The following BCAS3 variants were observed in gnomAD, a reference collection of about 807,000 sequenced individuals.
BCAS3 encodes the protein BCAS4/BCAS3 fusion.
In BCAS3, 53 loss-of-function variants were observed where a neutral mutation model predicts 116.1. That is an observed-to-expected ratio of 0.46 (90% confidence interval 0.37 to 0.57). The LOEUF (loss-of-function observed/expected upper bound fraction) is 0.57, where lower values mean the gene tolerates loss of function less well. Ranked by LOEUF, BCAS3 falls within the 20% of genes least tolerant of loss-of-function variation. The pLI is 0.00. For synonymous variants in BCAS3, 391 were observed against 408.2 expected (o/e 0.96, Z 0.51); for missense variants, 917 against 1,165.4 (o/e 0.79, Z 3.10).
At chr17:61,273,440 G>A (rs1371798816) in intron 22 of BCAS3, among the ~76,000 whole-genome samples, 2 of 152,104 alleles carry the variant, frequency 1.3e-5, no homozygotes, top group Non-Finnish European at 2.9e-5. Flanking sequence ...GAAGTTAGCA[G>A]TTATTCTTTG....
In BCAS3 at chr17:61,084,307, G is replaced by T. The variant is rs2143536874; in HGVS notation, c.2328-160G>T. Among the ~76,000 whole-genome samples, 1 of 152,296 alleles carries T rather than the reference G, an allele frequency of 6.6e-6. No individual in the cohort carries two copies. On this transcript the variant is annotated intron_variant, in intron 21 of 23. Transcript: ENST00000407086. The surrounding 1 kb of genome is among the most constrained non-coding windows in gnomAD (Gnocchi z 5.5). ...AATATTTGTAGTGTTTTATCCTTGT[G>T]CAGCAATTAGGGACTGCAGCTCCCC...
intron 6 of BCAS3, among the ~76,000 whole-genome samples, chr17:60,780,068 C>A (rs1273660796): frequency 6.6e-6 from 1 of 151,510 alleles, no homozygotes; most frequent in Non-Finnish European, 1.5e-5. Context: ...CGGCTCACTG[C>A]AAGCTCCGCC....
chr17:60,701,559 C>T (rs902976657), intron 4 of BCAS3, among the ~76,000 whole-genome samples: 1 of 152,012 alleles, frequency 6.6e-6, no homozygotes, highest in Non-Finnish European at 1.5e-5. Context: ...ACAAAACTTG[C>T]AGATGAACCA....
Position 61,140,646 on chromosome 17 carries a change from A to G in BCAS3, c.2425+56082A>G, listed in dbSNP as rs907612007. Reference sequence around the variant, plus strand: ...TTGGCCATCTTAGTATGGCCTTTATATAACTTTGGAATGCAAAAGAAAAGA... The same window carrying G: ...TTGGCCATCTTAGTATGGCCTTTATGTAACTTTGGAATGCAAAAGAAAAGA... On this transcript the variant is annotated intron_variant, in intron 22 of 23. Coordinates refer to ENST00000407086, the MANE Select transcript of BCAS3 (RefSeq NM_017679.5). This position sits in a 1 kb window ranked among gnomAD's most constrained non-coding sequence, Gnocchi z 4.2. 2.6e-5 allele frequency among the ~76,000 whole-genome samples: 4 copies of G among 151,908 alleles called. 1 individual carries two copies. The highest frequency in any genetic ancestry group is 1.3e-4 in the Admixed American group (2 of 15,232).
At chr17:61,179,121 T>G (rs1368632799) in intron 22 of BCAS3, among the ~76,000 whole-genome samples, 1 of 152,132 alleles carries the variant, frequency 6.6e-6, no homozygotes, top group Non-Finnish European at 1.5e-5. Context: ...TTAGAAAACT[T>G]ACACCCAGGT....
Position 61,128,327 on chromosome 17 carries a change from C to T in BCAS3, c.2425+43763C>T. 1.0e-6 allele frequency: 1 copy of T among 985,412 alleles called. No homozygotes were observed. Among genetic ancestry groups the T allele is most frequent in the Non-Finnish European group, 1.2e-6 (1 of 829,920 alleles). 61.0% of individuals were successfully genotyped at this position (985,412 alleles called of 1,614,324 possible). A position where few individuals can be genotyped will look rare whatever the true frequency, so the allele number is the denominator to read the frequency against. On this transcript the variant is annotated intron_variant, in intron 22 of 23. Coordinates refer to ENST00000407086, the MANE Select transcript of BCAS3 (RefSeq NM_017679.5). The surrounding 1 kb of genome is among the most constrained non-coding windows in gnomAD (Gnocchi z 4.1). ...CAGAGGAGAGACTTAGTGAAATATG[C>T]AGAGCTCCATTCCAGTTCCTTTCTT...
intron 19 of BCAS3, among the ~76,000 whole-genome samples, chr17:61,044,407 A>G (rs1291556509): frequency 1.4e-5 from 2 of 146,494 alleles, no homozygotes; most frequent in African/African-American, 5.2e-5. Context: ...AGATTGCACC[A>G]CTGCACTCCA....
At chr17:61,075,376 A>G (rs995830238) in intron 20 of BCAS3, among the ~76,000 whole-genome samples, 27 of 152,168 alleles carry the variant, frequency 1.8e-4, no homozygotes, top group African/African-American at 6.0e-4. Flanking sequence ...GTGCAGTGAC[A>G]CGACCTTGGC....
At chr17:61,360,746 A>G (rs73993472) in intron 22 of BCAS3, among the ~76,000 whole-genome samples, 72 of 152,382 alleles carry the variant, frequency 4.7e-4, no homozygotes, top group African/African-American at 1.6e-3. Flanking sequence ...ATTTCCAAAT[A>G]AGGCCACATT....
chr17:61,183,350 G>T (rs1371879130), intron 22 of BCAS3, among the ~76,000 whole-genome samples: 10 of 151,916 alleles, frequency 6.6e-5, no homozygotes, highest in South Asian at 4.1e-4. Flanking sequence ...ACTCCATGTT[G>T]TCTCAAATTA....
chr17:60,908,146 A>G (rs968540558), intron 11 of BCAS3, among the ~76,000 whole-genome samples: 16 of 152,076 alleles, frequency 1.1e-4, no homozygotes, highest in African/African-American at 3.6e-4. Flanking sequence ...CAACTCCATC[A>G]ATAGTCATGT....
rs530699016 is a variant in BCAS3, at chr17:61,235,720, A to C, written c.2426-132607A>C. 1.1e-4 allele frequency among the ~76,000 whole-genome samples: 16 copies of C among 151,868 alleles called. No homozygotes were observed. In the South Asian group the frequency reaches 3.1e-3, roughly 30 times the overall value. ...TTGTTTAAAAAAAAAAAAAAGGAGA[A>C]GAAGGAGAAAGAAAGACAAGGGAAA... On this transcript the variant is annotated intron_variant, in intron 22 of 23. Coordinates refer to ENST00000407086, the MANE Select transcript of BCAS3 (RefSeq NM_017679.5). The surrounding 1 kb of genome is among the most constrained non-coding windows in gnomAD (Gnocchi z 5.0).
rs367977245 is a variant in BCAS3 at position 61,391,950 on chromosome 17, G to T, written c.2594-27G>T. The T allele has an allele frequency of 3.1e-6, 5 of 1,610,500 alleles. No individual in the cohort carries two copies. The highest frequency in any genetic ancestry group is 4.2e-6 in the Non-Finnish European group (5 of 1,178,754). ...CACTCCCCAGACCCAACTCTAACCA[G>T]GCCTGGCCCTCTCCTGTGTCTTGCA... On this transcript the variant is annotated intron_variant, in intron 23 of 23. Transcript: ENST00000407086. The surrounding 1 kb of genome is among the most constrained non-coding windows in gnomAD (Gnocchi z 7.7).
intron 8 of BCAS3, among the ~76,000 whole-genome samples, chr17:60,871,338 T>A (rs2055081450): frequency 6.6e-6 from 1 of 152,100 alleles, no homozygotes; most frequent in South Asian, 2.1e-4. Flanking sequence ...TAATTTTTTT[T>A]AACATTTTTT....
At chr17:60,785,505 G>A (rs1474031856) in intron 6 of BCAS3, among the ~76,000 whole-genome samples, 2 of 152,098 alleles carry the variant, frequency 1.3e-5, no homozygotes, top group Admixed American at 6.5e-5. Flanking sequence ...AGAAGTACTC[G>A]TACATTACCA....
intron 22 of BCAS3, among the ~76,000 whole-genome samples, chr17:61,116,826 C>A (rs2075492167): frequency 6.6e-6 from 1 of 152,162 alleles, no homozygotes; most frequent in African/African-American, 2.4e-5. Context: ...TTCTTTGAGC[C>A]TCCGTGTTTT....
At position 61,388,367 on chromosome 17, in the gene BCAS3, C is replaced by A. The variant is rs747886823; in HGVS notation, c.2594-3610C>A. On this transcript the variant is annotated intron_variant, in intron 23 of 23. Transcript: ENST00000407086. The surrounding 1 kb of genome is among the most constrained non-coding windows in gnomAD (Gnocchi z 6.5). ...ATGTTGAACCTGTGACTCCTCTCCC[C>A]CTCCCCCACTCTGAACGGGGTCTTG... 8.8e-6 allele frequency: 4 copies of A among 457,118 alleles called. No individual in the cohort carries two copies. The highest frequency in any genetic ancestry group is 2.0e-5 in the African/African-American group (1 of 50,256). The allele number at this position is 457,118 out of a possible 1,614,324, so 28.3% of individuals were successfully genotyped here.
At chr17:60,874,158 C>G (rs991638543) in intron 8 of BCAS3, among the ~76,000 whole-genome samples, 2 of 152,202 alleles carry the variant, frequency 1.3e-5, no homozygotes, top group Non-Finnish European at 2.9e-5. Flanking sequence ...TCTTGACCTC[C>G]TGGGCTCAAG....
At chr17:60,881,143 T>G (rs1255642335) in intron 9 of BCAS3, among the ~76,000 whole-genome samples, 1 of 151,996 alleles carries the variant, frequency 6.6e-6, no homozygotes, top group Non-Finnish European at 1.5e-5. Context: ...CCCTGCTAAT[T>G]TTTTGTATTT....
Sources: gnomAD v4.1 joint callset for allele counts (sites outside exome capture counted in the v4.1 genomes callset) on GRCh38, gnomAD v4.1.1 for gene constraint, Gnocchi (gnomAD v3.1) non-coding constraint, MANE v1.5 for transcripts, NCBI Gene and HGNC (gene_info 2026-07-23, HGNC 2026-07-21) for gene names.